Variants in MDGA2 observed in about 807,000 individuals in gnomAD.
MDGA2 encodes the protein MAM domain containing glycosylphosphatidylinositol anchor 2.
MDGA2 carries 40 observed loss-of-function variants against 117.8 expected under a neutral mutation model. The ratio of observed to expected loss-of-function variants is 0.34; its 90% CI spans 0.26 to 0.44. MDGA2 has a LOEUF of 0.44. Ranked by LOEUF, MDGA2 falls within the 20% of genes least tolerant of loss-of-function variation. The pLI, the probability that MDGA2 is intolerant of heterozygous loss-of-function variation, is 1.00. For synonymous variants in MDGA2, 452 were observed against 439.0 expected, an observed-to-expected ratio of 1.03 and a Z score of -0.37; for missense variants, 1,123 against 1,250.6, an observed-to-expected ratio of 0.90 and a Z score of 1.54.
intron 9 of MDGA2, among the ~76,000 whole-genome samples, chr14:46,928,389 A>C (rs1219094435): frequency 2.6e-5 from 4 of 152,122 alleles, no homozygotes; most frequent in Non-Finnish European, 5.9e-5. Context: ...TATAAAAGGA[A>C]GTCTTGCCCA....
At chr14:47,466,778 T>G (rs559665969) in intron 1 of MDGA2, among the ~76,000 whole-genome samples, 1 of 152,216 alleles carries the variant, frequency 6.6e-6, no homozygotes, top group Admixed American at 6.6e-5. Context: ...ACACATGATA[T>G]ATTGGATATT....
At chr14:47,247,655 T>TATTATTATTATC in intron 2 of MDGA2, among the ~76,000 whole-genome samples, 1 of 150,106 alleles carries the variant, frequency 6.7e-6, no homozygotes, top group Non-Finnish European at 1.5e-5. Flanking sequence ...TTATTATTAT[T>TATTATTATTATC]ATTATACTTT....
At chr14:46,976,883 A>G (rs1886481607) in intron 8 of MDGA2, among the ~76,000 whole-genome samples, 3 of 151,978 alleles carry the variant, frequency 2.0e-5, no homozygotes, top group East Asian at 1.9e-4. Flanking sequence ...TATTGAAACT[A>G]ATGAGTAGAT....
In MDGA2 at chr14:46,957,592, C is replaced by T. The variant is rs553082374; in HGVS notation, c.1871G>A (p.Arg624Gln). ...TACTCTGCAACTCATAGTGACACTT[C>T]GATCCTGTCCTTGCCGGATTTCCAA... ...AFLEIRQGQD[R>Q]SVTMSCRVLR... The change falls in exon 9 of 17, where the codon CGA (arginine) becomes CAA (glutamine). Residue 624 changes from arginine (R) to glutamine (Q), a missense_variant. Arg to Gln is a conservative substitution (Grantham distance 43). This residue lies in a region of MDGA2 where 890 missense variants were observed against 1,050.3 expected (regional missense o/e 0.85). Transcript: ENST00000399232. 2.5e-5 allele frequency: 41 copies of T among 1,614,022 alleles called. No homozygotes were observed. The highest frequency in any genetic ancestry group is 6.6e-5 in the South Asian group (6 of 91,086).
At chr14:47,501,029 A>G (rs931498794) in intron 1 of MDGA2, among the ~76,000 whole-genome samples, 8 of 152,178 alleles carry the variant, frequency 5.3e-5, no homozygotes, top group Non-Finnish European at 8.8e-5. Flanking sequence ...AAGGGTAACC[A>G]TCCCTGAAAC....
At chr14:47,048,193 G>C (rs1889331591) in intron 7 of MDGA2, among the ~76,000 whole-genome samples, 1 of 152,024 alleles carries the variant, frequency 6.6e-6, no homozygotes, top group South Asian at 2.1e-4. Flanking sequence ...ACAAAGGTCA[G>C]GGTGTTGCCA....
intron 1 of MDGA2, among the ~76,000 whole-genome samples, chr14:47,362,916 T>C (rs1332434437): frequency 6.6e-6 from 1 of 152,316 alleles, no homozygotes; most frequent in East Asian, 1.9e-4. Context: ...GAACTAGAAA[T>C]GCTTGATAGT....
At chr14:47,030,139 T>G (rs1888610678) in intron 8 of MDGA2, among the ~76,000 whole-genome samples, 1 of 152,270 alleles carries the variant, frequency 6.6e-6, no homozygotes, top group East Asian at 1.9e-4. Context: ...TCCTGGTTTC[T>G]TATTTAACAT....
chr14:47,343,042 AC>A, intron 1 of MDGA2: 1 of 1,275,716 alleles, frequency 7.8e-7, no homozygotes, highest in Non-Finnish European at 1.0e-6. Flanking sequence ...AGGCAGCACT[AC>A]CGTGAGTCCT....
At chr14:47,054,541 C>T (rs1343006782) in intron 7 of MDGA2, among the ~76,000 whole-genome samples, 1 of 148,560 alleles carries the variant, frequency 6.7e-6, no homozygotes, top group East Asian at 2.0e-4. Flanking sequence ...GTTCAATTCC[C>T]ACCTATGAGT....
At chr14:47,107,008 A>G (rs140583899) in intron 5 of MDGA2, among the ~76,000 whole-genome samples, 13,321 of 111,668 alleles carry the variant, frequency 0.12, 2,024 homozygotes, top group Non-Finnish European at 0.12. Flanking sequence ...GCTATATCTC[A>G]TTGCCACCCT....
intron 1 of MDGA2, among the ~76,000 whole-genome samples, chr14:47,489,926 T>C (rs1329121502): frequency 6.6e-6 from 1 of 152,088 alleles, no homozygotes; most frequent in Non-Finnish European, 1.5e-5. Context: ...ACTCTCAAGA[T>C]CAGAAGTTAC....
rs903288338 is a variant in MDGA2, at chr14:46,957,271, C to T, written c.2089+103G>A. ...ACTTGAGGAGTCAAGCTGTTCTATG[C>T]TCCATTGATTTACAAATGTTTTCAT... On this transcript the variant is annotated intron_variant, in intron 9 of 16. Transcript: ENST00000399232. The T allele has an allele frequency of 2.5e-5, 28 of 1,140,196 alleles. No homozygotes were observed. In the African/African-American group the frequency reaches 3.9e-4, roughly 16 times the overall value. 70.6% of individuals were successfully genotyped at this position (1,140,196 alleles called of 1,614,324 possible).
At position 46,949,784 on chromosome 14, in the gene MDGA2, T is replaced by A. The variant is rs111318024; in HGVS notation, c.2089+7590A>T. Among the ~76,000 whole-genome samples, 514 of 152,134 alleles carry A rather than the reference T, an allele frequency of 3.4e-3. 4 individuals carry two copies. Among genetic ancestry groups the A allele is most frequent in the African/African-American group, 0.012 (484 of 41,540 alleles). Reference sequence around the variant, plus strand: ...GATACTTAGTTGGATTCCATGACTTTGCTATTGTAAATAGTGCTGCAATAA... The same window carrying A: ...GATACTTAGTTGGATTCCATGACTTAGCTATTGTAAATAGTGCTGCAATAA... On this transcript the variant is annotated intron_variant, in intron 9 of 16. Coordinates refer to ENST00000399232, the MANE Select transcript of MDGA2 (RefSeq NM_001113498.3).
At chr14:47,054,634 G>A (rs1313968673) in intron 7 of MDGA2, among the ~76,000 whole-genome samples, 4 of 151,750 alleles carry the variant, frequency 2.6e-5, no homozygotes, top group Admixed American at 2.0e-4. Context: ...AAAACAGCAT[G>A]GTACTGGTAC....
intron 5 of MDGA2, among the ~76,000 whole-genome samples, chr14:47,106,123 G>A (rs1021046161): frequency 2.0e-5 from 3 of 152,046 alleles, no homozygotes; most frequent in Non-Finnish European, 4.4e-5. Flanking sequence ...ATCCAGCCCA[G>A]TTCATGGCTC....
At chr14:47,295,883 C>T (rs184331513) in intron 2 of MDGA2, among the ~76,000 whole-genome samples, 83 of 151,240 alleles carry the variant, frequency 5.5e-4, no homozygotes, top group East Asian at 4.1e-3. Context: ...CAAGCCTGGA[C>T]GACAGAGTGA....
At chr14:47,130,505 G>T (rs1882148661) in intron 5 of MDGA2, among the ~76,000 whole-genome samples, 1 of 152,110 alleles carries the variant, frequency 6.6e-6, no homozygotes, top group Non-Finnish European at 1.5e-5. Context: ...TGAACATTTT[G>T]AAATCTTGGC....
intron 1 of MDGA2, chr14:47,626,668 T>C (rs143342531): frequency 0.092 from 14,004 of 152,532 alleles, 673 homozygotes; most frequent in Middle Eastern, 0.12. Context: ...GCCAGCCCCG[T>C]CGGCCCGGGC....
Sources: gnomAD v4.1 joint callset for allele counts (sites outside exome capture counted in the v4.1 genomes callset) on GRCh38, gnomAD v4.1.1 for gene constraint, gnomAD v4.1.1 regional missense constraint, MANE v1.5 for transcripts, NCBI Gene and HGNC (gene_info 2026-07-23, HGNC 2026-07-21) for gene names.